Variants in PRDM16 observed in about 807,000 individuals in gnomAD.
PRDM16 encodes the protein PR/SET domain 16, also known as histone-lysine N-methyltransferase PRDM16.
A neutral mutation model predicts 110.6 loss-of-function variants in PRDM16; 23 were observed. That is an observed-to-expected ratio of 0.21 (90% CI 0.15 to 0.29). The LOEUF (loss-of-function observed/expected upper bound fraction) is 0.29. Ranked by LOEUF, PRDM16 falls within the 10% of genes least tolerant of loss-of-function variation. PRDM16 has a pLI of 1.00. For missense variants in PRDM16, 1,615 were observed against 1,794.3 expected (o/e 0.90, Z 1.81); for synonymous variants, 799 against 781.8 (o/e 1.02, Z -0.37).
At chr1:3,097,568 T>C (rs1304157304) in intron 1 of PRDM16, among the ~76,000 whole-genome samples, 1 of 152,120 alleles carries the variant, frequency 6.6e-6, no homozygotes, top group African/African-American at 2.4e-5. Flanking sequence ...TCTTCTCCAC[T>C]CGCACCTCCA....
intron 2 of PRDM16, among the ~76,000 whole-genome samples, chr1:3,189,273 T>C (rs2651918): frequency 0.81 from 123,455 of 151,820 alleles, 50,319 homozygotes; most frequent in Middle Eastern, 0.87. Flanking sequence ...CTAGCCCTTC[T>C]CCTCCATGCC....
At chr1:3,252,811 C>T (rs193144612) in intron 3 of PRDM16, among the ~76,000 whole-genome samples, 93 of 152,292 alleles carry the variant, frequency 6.1e-4, no homozygotes, top group Non-Finnish European at 1.0e-3. Context: ...GCCTCCCCCT[C>T]CTGCCTCACT....
At chr1:3,431,643 C>T (rs949038343) in intron 15 of PRDM16, among the ~76,000 whole-genome samples, 5 of 152,236 alleles carry the variant, frequency 3.3e-5, no homozygotes, top group African/African-American at 4.8e-5. Flanking sequence ...GAGGGAGCCC[C>T]GGGCCTCTCT....
At chr1:3,404,619 T>G in intron 6 of PRDM16, 120 bp from the exon 7 acceptor site, 1 of 1,243,028 alleles carries the variant, frequency 8.0e-7, no homozygotes, top group Non-Finnish European at 1.1e-6. Flanking sequence ...TGTGCTCTGA[T>G]CCCTCGGCAG....
intron 2 of PRDM16, among the ~76,000 whole-genome samples, chr1:3,240,046 AG>A (rs1639627559): frequency 1.0e-5 from 1 of 98,592 alleles, no homozygotes; most frequent in South Asian, 4.4e-4. Flanking sequence ...AGAAGAGGAG[AG>A]GAGAGGAGAA....
chr1:3,297,584 T>C (rs1641118044), intron 3 of PRDM16, among the ~76,000 whole-genome samples: 1 of 152,020 alleles, frequency 6.6e-6, no homozygotes, highest in Non-Finnish European at 1.5e-5. Context: ...GCGCCCGGCC[T>C]GATGAGAGGA....
rs61705893 is a variant in PRDM16, at chr1:3,157,442, A to AG, written c.38-28683_38-28682insG. Among the ~76,000 whole-genome samples, 1 of 142,406 alleles carries AG rather than the reference A, an allele frequency of 7.0e-6. No homozygotes were observed. The highest frequency in any genetic ancestry group is 2.6e-5 in the African/African-American group (1 of 38,160). The allele number at this position is 142,406 out of a possible 152,430, so 93.4% of individuals were successfully genotyped here. ...CCCATTAAAAAAAAAAAAAAAAAAAACACCTTTGTGGGGGCTGGGGGTTGA... is the reference window on the plus strand; with the variant it reads ...CCCATTAAAAAAAAAAAAAAAAAAAAGCACCTTTGTGGGGGCTGGGGGTTGA... On this transcript the variant is annotated intron_variant, in intron 1 of 16. Transcript: ENST00000270722. The surrounding 1 kb of genome is among the most constrained non-coding windows in gnomAD (Gnocchi z 4.8).
At chr1:3,378,011 G>C (rs1036167494) in intron 3 of PRDM16, among the ~76,000 whole-genome samples, 1 of 152,204 alleles carries the variant, frequency 6.6e-6, no homozygotes, top group Non-Finnish European at 1.5e-5. Flanking sequence ...AAACAGGCCC[G>C]GCTCCCAGAC....
intron 1 of PRDM16, among the ~76,000 whole-genome samples, chr1:3,161,226 C>T (rs1275305491): frequency 6.6e-6 from 1 of 152,162 alleles, no homozygotes; most frequent in African/African-American, 2.4e-5. Flanking sequence ...CAAAAGACGG[C>T]GAAGGAGCGC....
intron 3 of PRDM16, among the ~76,000 whole-genome samples, chr1:3,331,642 G>A (rs1642044247): frequency 6.6e-6 from 1 of 152,188 alleles, no homozygotes; most frequent in Non-Finnish European, 1.5e-5. Context: ...GCTGCCCAGA[G>A]GAATCCTGGT....
intron 5 of PRDM16, among the ~76,000 whole-genome samples, chr1:3,399,308 G>C (rs1569681733): frequency 6.6e-6 from 1 of 152,168 alleles, no homozygotes; most frequent in South Asian, 2.1e-4. Flanking sequence ...ATAATAAGAT[G>C]GGAAACATTA....
intron 1 of PRDM16, among the ~76,000 whole-genome samples, chr1:3,082,404 G>A (rs921452819): frequency 3.3e-5 from 5 of 152,206 alleles, no homozygotes; most frequent in African/African-American, 1.2e-4. Flanking sequence ...CACAGGATGG[G>A]GACAGGAGAG....
At position 3,402,850 on chromosome 1, in the gene PRDM16, C is replaced by T. The variant is rs558961861; in HGVS notation, c.736C>T (p.Arg246Trp). ...ACTCTTCCAGTCCAAGCTGGACCTG[C>T]GGCGCCATAAGAAGTACACGTGTGG... ...DELFQSKLDLRRHKKYTCGSV... is the reference protein window; with the variant it reads ...DELFQSKLDLWRHKKYTCGSV... Residue 246 changes from arginine to tryptophan, a missense_variant, in exon 6 of 17, where the codon CGG (arginine) becomes TGG (tryptophan). Coordinates refer to ENST00000270722, the MANE Select transcript of PRDM16 (RefSeq NM_022114.4). 14 of 1,612,956 alleles carry T rather than the reference C, an allele frequency of 8.7e-6. No homozygotes were observed. The highest frequency in any genetic ancestry group is 2.2e-5 in the South Asian group (2 of 91,094).
At chr1:3,405,197 G>A (rs1029189585) in intron 7 of PRDM16, among the ~76,000 whole-genome samples, 6 of 152,158 alleles carry the variant, frequency 3.9e-5, no homozygotes, top group Non-Finnish European at 7.4e-5. Context: ...CCTCCACCCC[G>A]AGCCCGCCAG....
At chr1:3,095,901 ATGGAC>A (rs1279900752) in intron 1 of PRDM16, among the ~76,000 whole-genome samples, 1 of 152,030 alleles carries the variant, frequency 6.6e-6, no homozygotes. Context: ...TGCCTGCAGC[ATGGAC>A]TCGAGGTCCG....
At chr1:3,332,710 G>A (rs1642069186) in intron 3 of PRDM16, among the ~76,000 whole-genome samples, 1 of 151,118 alleles carries the variant, frequency 6.6e-6, no homozygotes, top group African/African-American at 2.4e-5. Context: ...GAGAAACTGC[G>A]CCCCAGCAGC....
At chr1:3,194,770 T>C (rs900253300) in intron 2 of PRDM16, among the ~76,000 whole-genome samples, 2 of 148,704 alleles carry the variant, frequency 1.3e-5, no homozygotes, top group African/African-American at 5.1e-5. Flanking sequence ...CTTGGTATTC[T>C]CAGTCCCACG....
At chr1:3,253,226 C>T (rs1309798202) in intron 3 of PRDM16, among the ~76,000 whole-genome samples, 19 of 151,592 alleles carry the variant, frequency 1.3e-4, no homozygotes. Flanking sequence ...TATTATTATA[C>T]TTTAAGTTTT....
chr1:3,292,933 G>A (rs1245330408), intron 3 of PRDM16, among the ~76,000 whole-genome samples: 1 of 152,342 alleles, frequency 6.6e-6, no homozygotes, highest in Non-Finnish European at 1.5e-5. Flanking sequence ...TTTCCTGTTT[G>A]TCTTCTGTGG....
Sources: gnomAD v4.1 joint callset for allele counts (sites outside exome capture counted in the v4.1 genomes callset) on GRCh38, gnomAD v4.1.1 for gene constraint, Gnocchi (gnomAD v3.1) non-coding constraint, MANE v1.5 for transcripts, NCBI Gene and HGNC (gene_info 2026-07-23, HGNC 2026-07-21) for gene names.